The following PARL variants were observed in gnomAD, a reference collection of about 807,000 sequenced individuals.
PARL encodes the protein presenilin-associated rhomboid-like protein, mitochondrial.
Under a neutral mutation model 51.6 loss-of-function variants are expected in PARL, and 44 were observed. That is an observed-to-expected ratio of 0.85 (90% CI 0.67 to 1.10). The LOEUF (loss-of-function observed/expected upper bound fraction) is 1.10, where lower values mean the gene tolerates loss of function less well. Ranked by LOEUF, PARL falls within the 50% of genes least tolerant of loss-of-function variation. PARL has a pLI of 0.00. For missense variants in PARL, 441 were observed against 469.5 expected, an observed-to-expected ratio of 0.94 and a Z score of 0.56; for synonymous variants, 172 against 164.0, an observed-to-expected ratio of 1.05 and a Z score of -0.37.
intron 1 of PARL, chr3:183,879,818 G>A (rs1734228805): frequency 3.9e-6 from 1 of 253,302 alleles, no homozygotes; most frequent in African/African-American, 2.3e-5. Context: ...TAGAGTTCAA[G>A]TGATTCCCCT....
At chr3:183,883,163 T>C (rs1734752851) in intron 1 of PARL, among the ~76,000 whole-genome samples, 1 of 152,234 alleles carries the variant, frequency 6.6e-6, no homozygotes, top group African/African-American at 2.4e-5. Flanking sequence ...CAATTTTTAC[T>C]AGAGGCTCAT....
rs148408106 is a variant in PARL at position 183,848,030 on chromosome 3, C to T, written c.512-3704G>A. On this transcript the variant is annotated intron_variant, in intron 4 of 9. Coordinates refer to ENST00000317096, the MANE Select transcript of PARL (RefSeq NM_018622.7). ...AGTGCCTACCCTCACACCTGTGTAA[C>T]GCACTGGACTATGTCAGTGAAAAAT... Among the ~76,000 whole-genome samples, 355 of 152,288 alleles carry T rather than the reference C, an allele frequency of 2.3e-3. 1 individual carries two copies. Among genetic ancestry groups the T allele is most frequent in the African/African-American group, 7.5e-3 (313 of 41,556 alleles).
intron 1 of PARL, among the ~76,000 whole-genome samples, chr3:183,874,727 G>A (rs2108700391): frequency 6.6e-6 from 1 of 152,306 alleles, no homozygotes; most frequent in South Asian, 2.1e-4. Flanking sequence ...CAAAAGCTGA[G>A]ATAGGCCAGG....
rs111762306 is a variant in PARL, at chr3:183,871,024, C to T, written c.126-2964G>A. Among the ~76,000 whole-genome samples, 21 of 152,234 alleles carry T rather than the reference C, an allele frequency of 1.4e-4. 1 individual carries two copies. The highest frequency in any genetic ancestry group is 4.8e-4 in the African/African-American group (20 of 41,550). ...ATACTTATCTCCACTACTGCCCACGCCCCCATTAGATTACAGTTTTATATT... is the reference window on the plus strand; with the variant it reads ...ATACTTATCTCCACTACTGCCCACGTCCCCATTAGATTACAGTTTTATATT... On this transcript the variant is annotated intron_variant, in intron 1 of 9. Transcript: ENST00000317096.
chr3:183,828,496 A>G (rs540940353), downstream of PARL, among the ~76,000 whole-genome samples: 6 of 152,256 alleles, frequency 3.9e-5, no homozygotes, highest in Non-Finnish European at 8.8e-5. Context: ...TTAGAACAGA[A>G]TCCTGTGCCT....
At chr3:183,857,238 A>T (rs1323863988) in intron 4 of PARL, among the ~76,000 whole-genome samples, 2 of 152,256 alleles carry the variant, frequency 1.3e-5, no homozygotes, top group East Asian at 3.9e-4. Flanking sequence ...GACAAGTGAG[A>T]CGCTGTCTCA....
chr3:183,878,113 T>C (rs1009358118), intron 1 of PARL, among the ~76,000 whole-genome samples: 1 of 152,150 alleles, frequency 6.6e-6, no homozygotes, highest in Non-Finnish European at 1.5e-5. Flanking sequence ...CTTGACTGCT[T>C]AATCAGAGCT....
At chr3:183,853,246 G>C (rs1399562894) in intron 4 of PARL, among the ~76,000 whole-genome samples, 1 of 152,078 alleles carries the variant, frequency 6.6e-6, no homozygotes, top group Non-Finnish European at 1.5e-5. Context: ...AAAAGGGGGT[G>C]ATATCAAGAA....
chr3:183,872,186 G>C (rs1029551164), intron 1 of PARL, among the ~76,000 whole-genome samples: 6 of 152,020 alleles, frequency 3.9e-5, no homozygotes, highest in Non-Finnish European at 8.8e-5. Context: ...GTATTTAGTA[G>C]AGACGAGGTT....
intron 3 of PARL, among the ~76,000 whole-genome samples, chr3:183,863,049 A>T (rs1277120054): frequency 6.6e-6 from 1 of 152,198 alleles, no homozygotes. Context: ...TCTAAACTTC[A>T]GTTTCTTGAC....
chr3:183,828,671 C>T (rs151134890), downstream of PARL, among the ~76,000 whole-genome samples: 18 of 152,304 alleles, frequency 1.2e-4, no homozygotes, highest in East Asian at 3.1e-3. Flanking sequence ...TTTCCAAAGC[C>T]GCCATTCCCA....
At chr3:183,873,561 AT>A (rs1349843696) in intron 1 of PARL, among the ~76,000 whole-genome samples, 6 of 148,972 alleles carry the variant, frequency 4.0e-5, no homozygotes, top group Admixed American at 1.3e-4. Flanking sequence ...AAAAAAAAAA[AT>A]TAATTAATTA....
At chr3:183,881,367 C>T (rs1422525201) in intron 1 of PARL, among the ~76,000 whole-genome samples, 1 of 152,174 alleles carries the variant, frequency 6.6e-6, no homozygotes, top group Non-Finnish European at 1.5e-5. Flanking sequence ...GGTGATCCAC[C>T]CGCCTCGGCC....
At chr3:183,868,678 G>C (rs1577370342) in intron 1 of PARL, among the ~76,000 whole-genome samples, 1 of 152,322 alleles carries the variant, frequency 6.6e-6, no homozygotes, top group East Asian at 1.9e-4. Context: ...CAAGGTGCTA[G>C]GACTACAGGC....
intron 3 of PARL, among the ~76,000 whole-genome samples, chr3:183,865,770 A>G (rs1184977360): frequency 6.6e-6 from 1 of 152,206 alleles, no homozygotes; most frequent in East Asian, 1.9e-4. Context: ...CAAGTAAAAC[A>G]GTGGCCTTTA....
chr3:183,866,572 A>G (rs1039029064), intron 3 of PARL, 53 bp downstream of exon 3: 3 of 1,439,196 alleles, frequency 2.1e-6, no homozygotes, highest in African/African-American at 2.8e-5. Context: ...ATTAAGTATC[A>G]GTTTTTTAAA....
intron 6 of PARL, among the ~76,000 whole-genome samples, chr3:183,841,541 G>A (rs1390336281): frequency 3.3e-5 from 5 of 152,120 alleles, no homozygotes; most frequent in Non-Finnish European, 7.4e-5. Context: ...TGGGTCTATC[G>A]CCAAGCTTAG....
chr3:183,879,694 T>A, intron 1 of PARL: 1 of 970,252 alleles, frequency 1.0e-6, no homozygotes, highest in Non-Finnish European at 1.2e-6. Flanking sequence ...TTTTCTCTTT[T>A]TAATGAGCTT....
At position 183,868,470 on chromosome 3, in the gene PARL, G is replaced by C. The variant is rs117747517; in HGVS notation, c.126-410C>G. ...TACTCCCTCCCTCTGTCGCTCAGTG[G>C]TACGATCATGGCTCACTGCAGCCTC... On this transcript the variant is annotated intron_variant, in intron 1 of 9. Coordinates refer to ENST00000317096, the MANE Select transcript of PARL (RefSeq NM_018622.7). 8.5e-5 allele frequency among the ~76,000 whole-genome samples: 13 copies of C among 152,160 alleles called. No individual in the cohort carries two copies. In the East Asian group the frequency reaches 2.5e-3, roughly 29 times the overall value.
Sources: allele counts gnomAD v4.1 joint callset (sites outside exome capture counted in the v4.1 genomes callset), GRCh38; gene constraint gnomAD v4.1.1; transcripts MANE v1.5; gene names NCBI Gene and HGNC (gene_info 2026-07-23, HGNC 2026-07-21).